The following SLX4IP variants were observed in gnomAD, a reference collection of about 807,000 sequenced individuals.
SLX4IP encodes SLX4 interacting protein, also known as protein SLX4IP.
A neutral mutation model predicts 32.9 loss-of-function variants in SLX4IP; 34 were observed. The observed-to-expected ratio is 1.03, with a 90% CI of 0.79 to 1.38. The LOEUF is 1.38. SLX4IP is among the 40% of genes most tolerant of loss of function. SLX4IP has a pLI of 0.00. For missense variants in SLX4IP, 444 were observed against 479.0 expected (o/e 0.93, Z 0.68); for synonymous variants, 172 against 171.7 (o/e 1.00, Z -0.01).
At chr20:10,533,873 G>A (rs949294240) in intron 2 of SLX4IP, among the ~76,000 whole-genome samples, 1 of 152,058 alleles carries the variant, frequency 6.6e-6, no homozygotes, top group African/African-American at 2.4e-5. Context: ...TCCTGCCTCA[G>A]CCTCCCAAAG....
intron 6 of SLX4IP, among the ~76,000 whole-genome samples, chr20:10,604,375 G>A (rs1289677174): frequency 1.3e-5 from 2 of 151,850 alleles, no homozygotes; most frequent in Non-Finnish European, 2.9e-5. Context: ...GTAGCCTTGA[G>A]AGCACACATT....
At chr20:10,473,221 C>T (rs1013259967) in intron 2 of SLX4IP, among the ~76,000 whole-genome samples, 4 of 152,154 alleles carry the variant, frequency 2.6e-5, no homozygotes, top group African/African-American at 9.7e-5. Flanking sequence ...TGAGACTGGG[C>T]ATGCACTTCT....
intron 2 of SLX4IP, among the ~76,000 whole-genome samples, chr20:10,483,034 CATTT>C (rs903923912): frequency 6.6e-6 from 1 of 152,174 alleles, no homozygotes; most frequent in Non-Finnish European, 1.5e-5. Flanking sequence ...CATGTTTATT[CATTT>C]ATTATCTATA....
intron 4 of SLX4IP, among the ~76,000 whole-genome samples, chr20:10,583,756 C>G (rs982585503): frequency 6.6e-6 from 1 of 152,098 alleles, no homozygotes; most frequent in Non-Finnish European, 1.5e-5. Context: ...GAAAATGGAG[C>G]TTTTTATGAT....
intron 2 of SLX4IP, among the ~76,000 whole-genome samples, chr20:10,542,207 T>C (rs2066115214): frequency 6.6e-6 from 1 of 152,200 alleles, no homozygotes; most frequent in Admixed American, 6.5e-5. Flanking sequence ...TAATGGGCTT[T>C]GTGTCAATAG....
At chr20:10,621,261 C>G in intron 6 of SLX4IP, 53 bp from the exon 7 acceptor site, 4 of 1,511,524 alleles carry the variant, frequency 2.6e-6, no homozygotes, top group Non-Finnish European at 3.7e-6. Context: ...ACTGTTTTCT[C>G]TCATGTTCAG....
chr20:10,472,447 G>A (rs1268889964), intron 2 of SLX4IP, among the ~76,000 whole-genome samples: 1 of 152,116 alleles, frequency 6.6e-6, no homozygotes, highest in Non-Finnish European at 1.5e-5. Flanking sequence ...AGCCAGGATG[G>A]TCTTGATCTC....
chr20:10,531,974 C>G (rs926341451), intron 2 of SLX4IP, among the ~76,000 whole-genome samples: 11 of 152,164 alleles, frequency 7.2e-5, no homozygotes, highest in Admixed American at 1.3e-4. Context: ...TACACATGCC[C>G]TGCTTCATCT....
chr20:10,572,116 C>G (rs1320984782), intron 4 of SLX4IP, among the ~76,000 whole-genome samples: 1 of 152,134 alleles, frequency 6.6e-6, no homozygotes, highest in Non-Finnish European at 1.5e-5. Flanking sequence ...TCCTTTCTAG[C>G]CAGGCTTCTT....
intron 2 of SLX4IP, among the ~76,000 whole-genome samples, chr20:10,523,835 CATT>C (rs1438123974): frequency 3.9e-5 from 6 of 152,240 alleles, no homozygotes; most frequent in Non-Finnish European, 8.8e-5. Flanking sequence ...CAAAAAGTCA[CATT>C]ATCACTTAGC....
chr20:10,445,308 T>C (rs574177333), intron 1 of SLX4IP, among the ~76,000 whole-genome samples: 36 of 135,742 alleles, frequency 2.7e-4, no homozygotes, highest in African/African-American at 9.4e-4. Flanking sequence ...TTCTTTTTTC[T>C]TTCTTTTTTT....
At chr20:10,579,344 C>T (rs989395838) in intron 4 of SLX4IP, among the ~76,000 whole-genome samples, 2 of 152,118 alleles carry the variant, frequency 1.3e-5, no homozygotes, top group African/African-American at 4.8e-5. Flanking sequence ...ATTTTCTTGG[C>T]ACCTTTGTTG....
intron 2 of SLX4IP, among the ~76,000 whole-genome samples, chr20:10,545,057 A>T (rs1267743992): frequency 1.3e-5 from 2 of 152,078 alleles, no homozygotes; most frequent in Admixed American, 1.3e-4. Context: ...GGATCCAAGA[A>T]TTTGCACATC....
chr20:10,589,180 A>G (rs560910884), intron 4 of SLX4IP, among the ~76,000 whole-genome samples: 2 of 152,328 alleles, frequency 1.3e-5, no homozygotes, highest in South Asian at 4.1e-4. Flanking sequence ...TTTTTAGGAG[A>G]TAACATTTAC....
chr20:10,486,550 T>G (rs2065576148), intron 2 of SLX4IP, among the ~76,000 whole-genome samples: 2 of 152,150 alleles, frequency 1.3e-5, no homozygotes, highest in Non-Finnish European at 2.9e-5. Context: ...AAATGAGGTT[T>G]AGGGGGCTAA....
chr20:10,555,047 G>A (rs1378003165), intron 2 of SLX4IP, among the ~76,000 whole-genome samples: 4 of 151,830 alleles, frequency 2.6e-5, no homozygotes, highest in African/African-American at 7.3e-5. Context: ...GATAGTTTTG[G>A]CTTTTTTGTC....
At chr20:10,601,695 G>A (rs1440760139) in intron 5 of SLX4IP, 36 bp from the exon 6 acceptor site, 21 of 1,567,804 alleles carry the variant, frequency 1.3e-5, no homozygotes, top group Admixed American at 3.4e-5. Flanking sequence ...ATAGTTTTTT[G>A]ACACCTTTAA....
chr20:10,572,381 A>G (rs1454442367), intron 4 of SLX4IP, among the ~76,000 whole-genome samples: 1 of 152,162 alleles, frequency 6.6e-6, no homozygotes, highest in East Asian at 1.9e-4. Context: ...TCTTTAAATT[A>G]ACTAGGAGCA....
At chr20:10,585,470 G>A (rs1435873175) in intron 4 of SLX4IP, among the ~76,000 whole-genome samples, 1 of 152,144 alleles carries the variant, frequency 6.6e-6, no homozygotes, top group African/African-American at 2.4e-5. Context: ...TTTGGCCAGA[G>A]TTGCTTCAGT....
Sources: gnomAD v4.1 joint callset for allele counts (sites outside exome capture counted in the v4.1 genomes callset) on GRCh38, gnomAD v4.1.1 for gene constraint, MANE v1.5 for transcripts, NCBI Gene and HGNC (gene_info 2026-07-23, HGNC 2026-07-21) for gene names.